The following PIP4P2 variants were observed in gnomAD, a reference collection of about 807,000 sequenced individuals.
PIP4P2 encodes phosphatidylinositol-4,5-bisphosphate 4-phosphatase 2.
PIP4P2 carries 19 observed loss-of-function variants against 33.3 expected under a neutral mutation model. The observed-to-expected ratio is 0.57, with a 90% CI of 0.40 to 0.84. The LOEUF is 0.84. Ranked by LOEUF, PIP4P2 falls within the 40% of genes least tolerant of loss-of-function variation. The pLI is 0.00. For missense variants in PIP4P2, 270 were observed against 324.7 expected (o/e 0.83, Z 1.29); for synonymous variants, 110 against 111.9 (o/e 0.98, Z 0.11).
chr8:90,998,945 C>CT (rs1396491267), intron 5 of PIP4P2, among the ~76,000 whole-genome samples: 1 of 152,020 alleles, frequency 6.6e-6, no homozygotes, highest in Non-Finnish European at 1.5e-5. Flanking sequence ...AACTAAAGAG[C>CT]TTTTGCACAT....
intron 5 of PIP4P2, among the ~76,000 whole-genome samples, chr8:91,002,992 T>A (rs760729274): frequency 6.6e-6 from 1 of 152,220 alleles, no homozygotes; most frequent in Non-Finnish European, 1.5e-5. Context: ...TGGAGTTTGA[T>A]TTTGGATTTT....
intron 1 of PIP4P2, among the ~76,000 whole-genome samples, chr8:91,040,394 TCACCAC>T (rs58332755): frequency 6.7e-6 from 1 of 149,668 alleles, no homozygotes; most frequent in African/African-American, 2.5e-5. Flanking sequence ...ACACACACCA[TCACCAC>T]CACCACCACC....
At chr8:91,023,548 CT>C (rs1323860470) in intron 1 of PIP4P2, among the ~76,000 whole-genome samples, 1 of 150,924 alleles carries the variant, frequency 6.6e-6, no homozygotes, top group Non-Finnish European at 1.5e-5. Flanking sequence ...AAGATTTGTA[CT>C]ATATAATTTT....
chr8:91,006,252 A>G (rs1459358922), intron 5 of PIP4P2, among the ~76,000 whole-genome samples: 1 of 152,218 alleles, frequency 6.6e-6, no homozygotes, highest in African/African-American at 2.4e-5. Context: ...TTTGCACTCA[A>G]ATAAGTAATG....
chr8:91,027,127 T>C (rs981262268), intron 1 of PIP4P2, among the ~76,000 whole-genome samples: 2 of 152,242 alleles, frequency 1.3e-5, no homozygotes, highest in South Asian at 2.1e-4. Context: ...ATATTAATTG[T>C]GCAAATTGCA....
intron 1 of PIP4P2, among the ~76,000 whole-genome samples, chr8:91,036,933 C>T (rs1812238938): frequency 6.6e-6 from 1 of 152,138 alleles, no homozygotes; most frequent in Non-Finnish European, 1.5e-5. Flanking sequence ...GAGGGCTGGT[C>T]AGGCATCTTT....
rs1811912655 is a variant in PIP4P2, at chr8:91,016,223, A to G, written c.486+2167T>C. Among the ~76,000 whole-genome samples the G allele has an allele frequency of 1.3e-5, 2 of 152,208 alleles. 1 individual carries two copies. Among genetic ancestry groups the G allele is most frequent in the South Asian group, 4.1e-4 (2 of 4,838 alleles). ...TCCTAGAAATTAAAAATTAAGTTAG[A>G]TCATCTGAAATTAAAATTTTAAATT... On this transcript the variant is annotated intron_variant, in intron 4 of 6. Coordinates refer to ENST00000285419, the MANE Select transcript of PIP4P2 (RefSeq NM_018710.3).
Position 90,995,650 on chromosome 8 carries a change from A to C in PIP4P2, c.*27T>G. The C allele has an allele frequency of 6.2e-7, 1 of 1,601,056 alleles. No homozygotes were observed. Among genetic ancestry groups the C allele is most frequent in the Non-Finnish European group, 8.5e-7 (1 of 1,175,716 alleles). On this transcript the variant is annotated 3_prime_UTR_variant, in exon 7 of 7. Coordinates refer to ENST00000285419, the MANE Select transcript of PIP4P2 (RefSeq NM_018710.3). ...TTACCAAGAACTGCTAGACACTCTC[A>C]CCTGCATTACTGAATCATAAACAAG...
At chr8:91,023,172 G>C (rs544364752) in intron 1 of PIP4P2, among the ~76,000 whole-genome samples, 66 of 151,186 alleles carry the variant, frequency 4.4e-4, no homozygotes, top group Admixed American at 1.4e-3. Context: ...AAGACACACT[G>C]CCTGGTATAT....
chr8:91,018,741 ATC>A (rs1811956178), intron 3 of PIP4P2: 2 of 450,230 alleles, frequency 4.4e-6, no homozygotes, highest in Admixed American at 7.1e-5. Context: ...ATTGGTCCTA[ATC>A]AATGGCAACC....
At chr8:91,036,589 T>C (rs1425263085) in intron 1 of PIP4P2, among the ~76,000 whole-genome samples, 1 of 152,168 alleles carries the variant, frequency 6.6e-6, no homozygotes, top group Non-Finnish European at 1.5e-5. Flanking sequence ...GCTACTGAAA[T>C]AGTTCAGTTA....
chr8:91,031,423 A>C (rs1488226448), intron 1 of PIP4P2, among the ~76,000 whole-genome samples: 1 of 152,196 alleles, frequency 6.6e-6, no homozygotes, highest in Non-Finnish European at 1.5e-5. Context: ...CTCTCAAACA[A>C]TAAAATGTCA....
At position 91,040,811 on chromosome 8, in the gene PIP4P2, G is replaced by T. The variant is rs971092303; in HGVS notation, c.-62C>A. The T allele has an allele frequency of 3.9e-5, 57 of 1,475,866 alleles. No homozygotes were observed. The highest frequency in any genetic ancestry group is 5.1e-5 in the Non-Finnish European group (55 of 1,071,946). 91.4% of individuals were successfully genotyped at this position (1,475,866 alleles called of 1,614,324 possible). On this transcript the variant is annotated 5_prime_UTR_variant, in exon 1 of 7. Transcript: ENST00000285419. ...GGGGTTGCGGCCTCGGCGGAGTGGT[G>T]GCTACTGCTGCTGCCTCTGCTGCCG...
At chr8:91,039,316 T>C (rs553797153) in intron 1 of PIP4P2, among the ~76,000 whole-genome samples, 1 of 152,324 alleles carries the variant, frequency 6.6e-6, no homozygotes, top group East Asian at 1.9e-4. Context: ...AAAAATGACC[T>C]GTAGGTTTTC....
At chr8:91,028,280 T>G (rs1172332451) in intron 1 of PIP4P2, among the ~76,000 whole-genome samples, 1 of 151,994 alleles carries the variant, frequency 6.6e-6, no homozygotes. Context: ...AAAGAGAGAG[T>G]CACAATCTTT....
At chr8:91,008,958 T>C (rs2130357915) in intron 4 of PIP4P2, among the ~76,000 whole-genome samples, 163 bp from the exon 5 acceptor site, 1 of 152,254 alleles carries the variant, frequency 6.6e-6, no homozygotes, top group South Asian at 2.1e-4. Context: ...CTCCCTCTCT[T>C]AAAATACAAT....
chr8:91,006,724 T>C (rs756554433), intron 5 of PIP4P2, among the ~76,000 whole-genome samples: 2 of 152,222 alleles, frequency 1.3e-5, no homozygotes, highest in Non-Finnish European at 2.9e-5. Context: ...TTCTCAGCAC[T>C]TTGGGAGGCT....
At chr8:91,002,311 A>G (rs1046682265) in intron 5 of PIP4P2, among the ~76,000 whole-genome samples, 1 of 152,168 alleles carries the variant, frequency 6.6e-6, no homozygotes, top group African/African-American at 2.4e-5. Context: ...TGTGAAAGTC[A>G]AGGGCATATA....
intron 5 of PIP4P2, among the ~76,000 whole-genome samples, chr8:91,006,924 G>A (rs547026269): frequency 2.0e-5 from 3 of 152,282 alleles, no homozygotes; most frequent in South Asian, 2.1e-4. Flanking sequence ...AGCTGAGATC[G>A]TGCCAGTGCA....
Sources: allele counts gnomAD v4.1 joint callset (sites outside exome capture counted in the v4.1 genomes callset), GRCh38; gene constraint gnomAD v4.1.1; transcripts MANE v1.5; gene names NCBI Gene and HGNC (gene_info 2026-07-23, HGNC 2026-07-21).